The following ATRNL1 variants were observed in gnomAD, a reference collection of about 807,000 sequenced individuals.
ATRNL1 encodes the protein attractin-like protein 1.
In ATRNL1, 95 loss-of-function variants were observed where a neutral mutation model predicts 182.7. That is an observed-to-expected ratio of 0.52 (90% CI 0.44 to 0.62). The LOEUF is 0.62. Ranked by LOEUF, ATRNL1 falls within the 20% of genes least tolerant of loss-of-function variation. ATRNL1 has a pLI of 0.00. For missense variants in ATRNL1, 1,471 were observed against 1,679.5 expected, an observed-to-expected ratio of 0.88 and a Z score of 2.17; for synonymous variants, 576 against 568.3, an observed-to-expected ratio of 1.01 and a Z score of -0.19.
At position 115,558,871 on chromosome 10, in the gene ATRNL1, C is replaced by T. The variant is rs912891789; in HGVS notation, c.3795+9335C>T. Among the ~76,000 whole-genome samples, 7 of 152,068 alleles carry T rather than the reference C, an allele frequency of 4.6e-5. No homozygotes were observed. In the South Asian group the frequency reaches 6.2e-4, roughly 14 times the overall value. On this transcript the variant is annotated intron_variant, in intron 26 of 28. Transcript: ENST00000355044. ...GCCTCAACTTGCTCCCTTCCTACCCCCTTCTAGCTCACTGTGACTAGCACT... is the reference window on the plus strand; with the variant it reads ...GCCTCAACTTGCTCCCTTCCTACCCTCTTCTAGCTCACTGTGACTAGCACT...
At chr10:115,597,474 G>T (rs1172148244) in intron 26 of ATRNL1, 6 of 327,168 alleles carry the variant, frequency 1.8e-5, no homozygotes, top group Non-Finnish European at 3.0e-5. Context: ...AATGGCAATC[G>T]AATACAAATG....
At chr10:115,122,266 C>A (rs1227165630) in intron 3 of ATRNL1, among the ~76,000 whole-genome samples, 5 of 151,538 alleles carry the variant, frequency 3.3e-5, no homozygotes, top group African/African-American at 1.2e-4. Context: ...GAGTTTCTAC[C>A]AATTGTCAAA....
chr10:115,280,330 A>G (rs1852302650), intron 13 of ATRNL1, among the ~76,000 whole-genome samples: 1 of 152,210 alleles, frequency 6.6e-6, no homozygotes, highest in African/African-American at 2.4e-5. Flanking sequence ...GTTGCCTGCA[A>G]AAGCTATTGA....
At chr10:115,490,536 C>T (rs10885726) in intron 24 of ATRNL1, among the ~76,000 whole-genome samples, 107,936 of 151,984 alleles carry the variant, frequency 0.71, 39,559 homozygotes, top group African/African-American at 0.82. Context: ...ATGTGTATGC[C>T]TCACGAAGTT....
At chr10:115,239,973 T>TACC (rs1850348143) in intron 9 of ATRNL1, among the ~76,000 whole-genome samples, 1 of 152,130 alleles carries the variant, frequency 6.6e-6, no homozygotes, top group Non-Finnish European at 1.5e-5. Context: ...AGCCTTATGT[T>TACC]CTTGGCTTTA....
chr10:115,942,365 G>A (rs906656673), intron 28 of ATRNL1, among the ~76,000 whole-genome samples: 15 of 152,192 alleles, frequency 9.9e-5, no homozygotes, highest in Non-Finnish European at 1.6e-4. Context: ...ATACCGAAAT[G>A]ACTCAAAGAT....
chr10:115,131,136 A>G (rs1426138634), intron 5 of ATRNL1, among the ~76,000 whole-genome samples: 3 of 152,058 alleles, frequency 2.0e-5, no homozygotes, highest in Admixed American at 1.3e-4. Context: ...TCTATAAGCA[A>G]ATGGAAATGA....
intron 21 of ATRNL1, among the ~76,000 whole-genome samples, chr10:115,434,208 A>G (rs782039303): frequency 4.6e-5 from 7 of 152,202 alleles, no homozygotes; most frequent in Non-Finnish European, 8.8e-5. Context: ...ATAGATATAT[A>G]GCTCATTATT....
chr10:115,745,479 A>G (rs782007488), intron 27 of ATRNL1, among the ~76,000 whole-genome samples: 1 of 152,162 alleles, frequency 6.6e-6, no homozygotes, highest in Non-Finnish European at 1.5e-5. Flanking sequence ...TATTTCTCTC[A>G]GGTAAAAAGC....
intron 27 of ATRNL1, among the ~76,000 whole-genome samples, chr10:115,756,113 ACCAGCT>A (rs1948582731): frequency 6.6e-6 from 1 of 152,082 alleles, no homozygotes; most frequent in Non-Finnish European, 1.5e-5. Context: ...TTTTCAAAAA[ACCAGCT>A]CCTCGATTCA....
At chr10:115,890,204 G>A (rs1718941828) in intron 28 of ATRNL1, among the ~76,000 whole-genome samples, 1 of 152,162 alleles carries the variant, frequency 6.6e-6, no homozygotes, top group South Asian at 2.1e-4. Context: ...AGCTCACTGT[G>A]GGTGGTGGAC....
chr10:115,229,881 A>G (rs1198796508), intron 9 of ATRNL1, among the ~76,000 whole-genome samples: 2 of 152,178 alleles, frequency 1.3e-5, no homozygotes, highest in African/African-American at 2.4e-5. Flanking sequence ...GATAGTATGT[A>G]TATATAGTTT....
chr10:115,310,299 T>C (rs1350787581), intron 17 of ATRNL1, among the ~76,000 whole-genome samples: 3 of 152,128 alleles, frequency 2.0e-5, no homozygotes, highest in Admixed American at 6.6e-5. Context: ...TATTAGTCTG[T>C]AGTTTTCTTA....
In ATRNL1 at chr10:115,329,569, G is replaced by C. The variant is rs190027888; in HGVS notation, c.3038-4713G>C. On this transcript the variant is annotated intron_variant, in intron 18 of 28. Coordinates refer to ENST00000355044, the MANE Select transcript of ATRNL1 (RefSeq NM_207303.4). ...TTTCTATATTAAGTTACTCCAATGT[G>C]CATTCCATATAAATTCTCGATTGTT... Among the ~76,000 whole-genome samples the C allele has an allele frequency of 2.6e-5, 4 of 152,106 alleles. No homozygotes were observed. The East Asian group carries it at 5.8e-4, about 22-fold the overall frequency.
intron 27 of ATRNL1, among the ~76,000 whole-genome samples, chr10:115,847,530 A>T (rs1200458508): frequency 6.6e-6 from 1 of 152,170 alleles, no homozygotes; most frequent in Non-Finnish European, 1.5e-5. Context: ...AAAATAAGAA[A>T]ATTAAGATAT....
intron 19 of ATRNL1, among the ~76,000 whole-genome samples, chr10:115,355,289 T>G (rs1856453238): frequency 6.6e-6 from 1 of 152,148 alleles, no homozygotes; most frequent in Non-Finnish European, 1.5e-5. Context: ...TGAGAAAGTT[T>G]TCTGAGAATT....
intron 27 of ATRNL1, among the ~76,000 whole-genome samples, chr10:115,795,223 T>C (rs1949623176): frequency 6.6e-6 from 1 of 152,196 alleles, no homozygotes; most frequent in Non-Finnish European, 1.5e-5. Context: ...AAAACATAGC[T>C]ATGTATATAT....
intron 8 of ATRNL1, among the ~76,000 whole-genome samples, chr10:115,212,351 ATAG>A (rs1196346691): frequency 1.3e-5 from 2 of 150,768 alleles, no homozygotes; most frequent in Non-Finnish European, 2.9e-5. Context: ...ATAATTTGTA[ATAG>A]TAGTGAGGTT....
At chr10:115,597,835 T>G (rs1555014674) in intron 26 of ATRNL1, 1 of 291,612 alleles carries the variant, frequency 3.4e-6, no homozygotes, top group East Asian at 1.2e-4. Flanking sequence ...GCGCCGGGCC[T>G]CTATGTGAAC....
Sources: gnomAD v4.1 joint callset for allele counts (sites outside exome capture counted in the v4.1 genomes callset) on GRCh38, gnomAD v4.1.1 for gene constraint, MANE v1.5 for transcripts, NCBI Gene and HGNC (gene_info 2026-07-23, HGNC 2026-07-21) for gene names.